The following LCP2 variants were observed in gnomAD, a reference collection of about 807,000 sequenced individuals.
LCP2 encodes the protein lymphocyte cytosolic protein 2.
Under a neutral mutation model 74.5 loss-of-function variants are expected in LCP2, and 29 were observed. That is an observed-to-expected ratio of 0.39 (90% CI 0.29 to 0.53). The LOEUF is 0.53. LCP2 is among the 20% of genes least tolerant of loss of function. The pLI, the probability that LCP2 is intolerant of heterozygous loss-of-function variation, is 0.72. For missense variants in LCP2, 604 were observed against 634.6 expected, an observed-to-expected ratio of 0.95 and a Z score of 0.52; for synonymous variants, 228 against 229.5, an observed-to-expected ratio of 0.99 and a Z score of 0.06.
chr5:170,259,410 C>T (rs140999404), intron 14 of LCP2, among the ~76,000 whole-genome samples: 361 of 152,288 alleles, frequency 2.4e-3, no homozygotes, highest in African/African-American at 8.4e-3. Flanking sequence ...CATATTTATA[C>T]GGTGGCTTAC....
At chr5:170,264,824 A>G (rs1454955147) in intron 10 of LCP2, among the ~76,000 whole-genome samples, 1 of 112,684 alleles carries the variant, frequency 8.9e-6, no homozygotes, top group East Asian at 3.5e-4. Flanking sequence ...TAAAAAAATA[A>G]AAATAAAAAG....
At chr5:170,267,374 G>A in intron 8 of LCP2, 2 of 480,318 alleles carry the variant, frequency 4.2e-6, no homozygotes, top group South Asian at 2.3e-5. Context: ...CCCTGCCTGA[G>A]CTGGCCCATG....
intron 3 of LCP2, among the ~76,000 whole-genome samples, chr5:170,276,637 C>G (rs1386729578): frequency 6.6e-6 from 1 of 152,128 alleles, no homozygotes; most frequent in Non-Finnish European, 1.5e-5. Context: ...GCTTTGCCGA[C>G]AGAACCATAT....
At chr5:170,275,428 C>G in intron 4 of LCP2, 77 bp from the exon 5 acceptor site, 1 of 1,516,126 alleles carries the variant, frequency 6.6e-7, no homozygotes, top group Non-Finnish European at 9.2e-7. Flanking sequence ...CCTGGTCCAG[C>G]GAGAGGGAGT....
At position 170,288,033 on chromosome 5, in the gene LCP2, T is replaced by C. The variant is rs371800989; in HGVS notation, c.142-17A>G. The C allele has an allele frequency of 6.2e-7, 1 of 1,613,742 alleles. No individual in the cohort carries two copies. Among genetic ancestry groups the C allele is most frequent in the South Asian group, 1.1e-5 (1 of 91,070 alleles). ...TGTCAGGTTCTGAAATGAAGACACA[T>C]ATGGCAGGCAGGTTACAACCCACAG... On this transcript the variant is annotated splice_polypyrimidine_tract_variant and intron_variant, in intron 2 of 20. Coordinates refer to ENST00000046794, the MANE Select transcript of LCP2 (RefSeq NM_005565.5).
rs541154233 is a variant in LCP2 at position 170,285,987 on chromosome 5, G to A, written c.188+1983C>T. 1.7e-3 allele frequency among the ~76,000 whole-genome samples: 265 copies of A among 152,294 alleles called. 2 individuals carry two copies. Among genetic ancestry groups the A allele is most frequent in the African/African-American group, 6.1e-3 (253 of 41,568 alleles). On this transcript the variant is annotated intron_variant, in intron 3 of 20. Coordinates refer to ENST00000046794, the MANE Select transcript of LCP2 (RefSeq NM_005565.5). ...ATTCTCAAAGCAGCAAGCAACCATA[G>A]GCTTCACCGCCTTTGTTTTCCATCC...
chr5:170,270,967 C>T lies in LCP2; in HGVS notation c.325-50G>A, dbSNP rs750682916. The T allele has an allele frequency of 1.2e-5, 18 of 1,482,944 alleles. No individual in the cohort carries two copies. The Admixed American group carries it at 1.7e-4, about 14-fold the overall frequency. 91.9% of individuals were successfully genotyped at this position (1,482,944 alleles called of 1,614,324 possible). A position where few individuals can be genotyped will look rare whatever the true frequency, so the allele number is the denominator to read the frequency against. On this transcript the variant is annotated intron_variant, in intron 6 of 20. Coordinates refer to ENST00000046794, the MANE Select transcript of LCP2 (RefSeq NM_005565.5). The stretch of plus-strand genomic sequence containing the variant: ...TGCAGTTTGTAGAGGCTCTGTGGCC[C>T]TCGATGTGCCTGTGCCTACTCTCTC...
At chr5:170,294,964 C>A (rs1581079257) in intron 1 of LCP2, among the ~76,000 whole-genome samples, 1 of 152,166 alleles carries the variant, frequency 6.6e-6, no homozygotes, top group African/African-American at 2.4e-5. Context: ...TAAGGAGCAC[C>A]CTAGACGATT....
intron 9 of LCP2, 21 bp downstream of exon 9, chr5:170,266,988 G>C: frequency 6.2e-7 from 1 of 1,613,830 alleles, no homozygotes. Flanking sequence ...CAGGGCAAGA[G>C]AGAGCAGCCC....
At chr5:170,280,074 G>A (rs570299505) in intron 3 of LCP2, among the ~76,000 whole-genome samples, 2 of 152,198 alleles carry the variant, frequency 1.3e-5, no homozygotes, top group Non-Finnish European at 2.9e-5. Flanking sequence ...TTCCATCTTT[G>A]TTTCCTCTAC....
At chr5:170,252,376 G>T in intron 19 of LCP2, 58 bp downstream of exon 19, 3 of 1,002,768 alleles carry the variant, frequency 3.0e-6, no homozygotes, top group Non-Finnish European at 3.1e-6. Flanking sequence ...GGACAGGTCA[G>T]TTCCCTTCTC....
chr5:170,268,540 T>C (rs1407377645), intron 7 of LCP2, 58 bp from the exon 8 acceptor site: 10 of 206,282 alleles, frequency 4.8e-5, no homozygotes, highest in Non-Finnish European at 7.9e-5. Flanking sequence ...CTCAGGGGTC[T>C]CCAGGAACAG....
intron 14 of LCP2, among the ~76,000 whole-genome samples, chr5:170,259,996 T>C (rs1000676004): frequency 6.6e-6 from 1 of 152,200 alleles, no homozygotes; most frequent in Non-Finnish European, 1.5e-5. Context: ...CTTGTTCCTA[T>C]CTCTGCAGCC....
chr5:170,288,415 C>T (rs987823714), intron 2 of LCP2, among the ~76,000 whole-genome samples: 4 of 152,330 alleles, frequency 2.6e-5, no homozygotes, highest in Non-Finnish European at 4.4e-5. Context: ...TCAGTCTCCA[C>T]AAGGTCAGCT....
At chr5:170,267,422 T>A in intron 8 of LCP2, 1 of 363,938 alleles carries the variant, frequency 2.7e-6, no homozygotes, top group Non-Finnish European at 5.1e-6. Context: ...CCCTTCTCAG[T>A]ACTCATGGGG....
rs1324134471 is a variant in LCP2, at chr5:170,246,348, CT to C, written c.*2348del. On this transcript the variant is annotated 3_prime_UTR_variant, in exon 21 of 21. Coordinates refer to ENST00000046794, the MANE Select transcript of LCP2 (RefSeq NM_005565.5). ...GTCACTGCTTATCCTTTAGCTTATG[CT>C]TGAATTTGGCTCAGGTTGAAAGAGA... The C allele has an allele frequency of 2.8e-4, 88 of 310,554 alleles. No homozygotes were observed. The highest frequency in any genetic ancestry group is 1.7e-3 in the African/African-American group (81 of 47,142). The allele number at this position is 310,554 out of a possible 1,614,324, so 19.2% of individuals were successfully genotyped here.
At position 170,256,415 on chromosome 5, in the gene LCP2, G is replaced by T; in HGVS notation, c.1150+111C>A. 1 of 864,184 alleles carries T rather than the reference G, an allele frequency of 1.2e-6. No individual in the cohort carries two copies. Among genetic ancestry groups the T allele is most frequent in the East Asian group, 2.5e-5 (1 of 40,312 alleles). The allele number at this position is 864,184 out of a possible 1,614,324, so 53.5% of individuals were successfully genotyped here. On this transcript the variant is annotated intron_variant, in intron 17 of 20. Coordinates refer to ENST00000046794, the MANE Select transcript of LCP2 (RefSeq NM_005565.5). This position sits in a 1 kb window ranked among gnomAD's most constrained non-coding sequence, Gnocchi z 4.5. Reference sequence around the variant, plus strand: ...AATTAAATGTTGAATGAGGAAATCAGATGCTTTTAGGAAACAATAAAACCT... The same window carrying T: ...AATTAAATGTTGAATGAGGAAATCATATGCTTTTAGGAAACAATAAAACCT...
At chr5:170,292,389 C>A (rs1407193357) in intron 2 of LCP2, among the ~76,000 whole-genome samples, 1 of 151,986 alleles carries the variant, frequency 6.6e-6, no homozygotes, top group Non-Finnish European at 1.5e-5. Flanking sequence ...TGAAGGAATT[C>A]AAGAAGATGT....
At chr5:170,271,820 C>T (rs1480518183) in intron 6 of LCP2, among the ~76,000 whole-genome samples, 1 of 152,102 alleles carries the variant, frequency 6.6e-6, no homozygotes, top group East Asian at 1.9e-4. Context: ...TGGGAAGTGG[C>T]CACTTTTTGA....
Sources: allele counts gnomAD v4.1 joint callset (sites outside exome capture counted in the v4.1 genomes callset), GRCh38; gene constraint gnomAD v4.1.1; non-coding constraint Gnocchi (gnomAD v3.1); transcripts MANE v1.5; gene names NCBI Gene and HGNC (gene_info 2026-07-23, HGNC 2026-07-21).